The following FBXO42 variants were observed in gnomAD, a reference collection of about 807,000 sequenced individuals.
FBXO42 encodes the protein F-box protein 42.
Under a neutral mutation model 71.7 loss-of-function variants are expected in FBXO42, and 12 were observed. The observed-to-expected ratio is 0.17, with a 90% confidence interval of 0.11 to 0.27. FBXO42 has a LOEUF of 0.27. FBXO42 is among the 10% of genes least tolerant of loss of function. FBXO42 has a pLI of 1.00. For synonymous variants in FBXO42, 325 were observed against 327.5 expected (o/e 0.99, Z 0.08); for missense variants, 707 against 911.9 (o/e 0.78, Z 2.89).
At position 16,250,609 on chromosome 1, in the gene FBXO42, GCTTACACA is replaced by G; in HGVS notation, c.*53_*60del. The G allele has an allele frequency of 6.5e-7, 1 of 1,550,220 alleles. No homozygotes were observed. The highest frequency in any genetic ancestry group is 8.7e-7 in the Non-Finnish European group (1 of 1,148,178). On this transcript the variant is annotated 3_prime_UTR_variant, in exon 10 of 10. Transcript: ENST00000375592. The surrounding 1 kb of genome is among the most constrained non-coding windows in gnomAD (Gnocchi z 4.7). ...TGTTTTCCCAATTCTCAGTCCAAAT[GCTTACACA>G]CTGGAAAATTCCAAATTAAAAGCCA...
intron 3 of FBXO42, among the ~76,000 whole-genome samples, chr1:16,298,805 C>A (rs1464425165): frequency 6.6e-6 from 1 of 151,986 alleles, no homozygotes; most frequent in Non-Finnish European, 1.5e-5. Context: ...CCACCGCGCC[C>A]GGCCAATGTC....
chr1:16,251,874 G>A lies in FBXO42; in HGVS notation c.1039-89C>T. On this transcript the variant is annotated intron_variant, in intron 9 of 9. Coordinates refer to ENST00000375592, the MANE Select transcript of FBXO42 (RefSeq NM_018994.3). This position sits in a 1 kb window ranked among gnomAD's most constrained non-coding sequence, Gnocchi z 4.5. ...ACATTTTATCATGAGCATCTGTCAT[G>A]TGCCAGACATTTTGTAGGTACCTGA... 6.8e-7 allele frequency: 1 copy of A among 1,478,688 alleles called. No individual in the cohort carries two copies. The highest frequency in any genetic ancestry group is 9.1e-7 in the Non-Finnish European group (1 of 1,102,538). 91.6% of individuals were successfully genotyped at this position (1,478,688 alleles called of 1,614,324 possible).
At position 16,251,082 on chromosome 1, in the gene FBXO42, A is replaced by C; in HGVS notation, c.1742T>G (p.Leu581Arg). The change falls in exon 10 of 10, where the codon CTT (leucine) becomes CGT (arginine). Residue 581 changes from leucine (L) to arginine (R), a missense_variant. By Grantham distance (102) the Leu-to-Arg change is moderately radical. Transcript: ENST00000375592. This position sits in a 1 kb window ranked among gnomAD's most constrained non-coding sequence, Gnocchi z 4.5. ...CCCAGGAGAGCCTGGAGAAGACCCA[A>C]GAGGAGGACTTAGTGCTGCAGAGGC... ...PSASAALSPP[L>R]GSSPGSPGSQ... The C allele has an allele frequency of 1.2e-6, 2 of 1,614,160 alleles. No individual in the cohort carries two copies. The highest frequency in any genetic ancestry group is 1.7e-6 in the Non-Finnish European group (2 of 1,180,042).
intron 1 of FBXO42, among the ~76,000 whole-genome samples, chr1:16,321,947 T>A (rs1458848538): frequency 1.3e-5 from 2 of 151,382 alleles, no homozygotes; most frequent in African/African-American, 4.9e-5. Flanking sequence ...GGTGGGTGGA[T>A]CACCTGAGGA....
At chr1:16,339,921 C>A (rs113170657) in intron 1 of FBXO42, among the ~76,000 whole-genome samples, 2,950 of 152,240 alleles carry the variant, frequency 0.019, 81 homozygotes, top group African/African-American at 0.068. Flanking sequence ...CCACTGCGCT[C>A]CAGCCTGGGT....
At position 16,343,933 on chromosome 1, in the gene FBXO42, A is replaced by G. The variant is rs1445419673; in HGVS notation, c.-18+8322T>C. Among the ~76,000 whole-genome samples the G allele has an allele frequency of 9.9e-5, 15 of 151,150 alleles. No individual in the cohort carries two copies. In the East Asian group the frequency reaches 2.9e-3, roughly 29 times the overall value. ...ATTGGGGCTGCATTGAGCCATAATC[A>G]CACCACACTTTAGCATGGCAAAAAA... On this transcript the variant is annotated intron_variant, in intron 1 of 9. Coordinates refer to ENST00000375592, the MANE Select transcript of FBXO42 (RefSeq NM_018994.3).
intron 4 of FBXO42, among the ~76,000 whole-genome samples, chr1:16,288,882 C>T (rs537147103): frequency 1.1e-3 from 169 of 151,016 alleles, no homozygotes; most frequent in African/African-American, 1.4e-3. Flanking sequence ...TGCTTGAACC[C>T]GGGAGGCAGA....
At chr1:16,265,123 C>T (rs772787381) in intron 4 of FBXO42, among the ~76,000 whole-genome samples, 25 of 152,146 alleles carry the variant, frequency 1.6e-4, no homozygotes, top group Non-Finnish European at 2.9e-4. Context: ...GACGGAGTTT[C>T]GCTCTTGTTG....
chr1:16,269,547 CAG>C (rs1174831231), intron 4 of FBXO42, among the ~76,000 whole-genome samples: 1 of 151,956 alleles, frequency 6.6e-6, no homozygotes, highest in Non-Finnish European at 1.5e-5. Flanking sequence ...TTATTTGAGA[CAG>C]AGTTTCGCTC....
chr1:16,342,447 T>C (rs1249836988), intron 1 of FBXO42, among the ~76,000 whole-genome samples: 2 of 144,258 alleles, frequency 1.4e-5, no homozygotes, highest in African/African-American at 5.2e-5. Flanking sequence ...ATGGACACGG[T>C]GGCACCTGCT....
chr1:16,350,053 G>A (rs2082685114), intron 1 of FBXO42, among the ~76,000 whole-genome samples: 1 of 151,980 alleles, frequency 6.6e-6, no homozygotes, highest in Non-Finnish European at 1.5e-5. Flanking sequence ...ATCTTACTCA[G>A]GGTTTAAACC....
At position 16,315,240 on chromosome 1, in the gene FBXO42, G is replaced by A. The variant is rs1333703734; in HGVS notation, c.179C>T (p.Ser60Phe). 1.9e-6 allele frequency: 3 copies of A among 1,614,126 alleles called. No individual in the cohort carries two copies. Among genetic ancestry groups the A allele is most frequent in the Non-Finnish European group, 2.5e-6 (3 of 1,180,024 alleles). Reference sequence around the variant, plus strand: ...GTGTTCCTGATACGGTGAGAGAAAGGACAGGATATACTCCAAAACCTCTTC... The same window carrying A: ...GTGTTCCTGATACGGTGAGAGAAAGAACAGGATATACTCCAAAACCTCTTC... ...LPEEVLEYIL[S>F]FLSPYQEHKT... The change falls in exon 2 of 10, where the codon TCC (serine) becomes TTC (phenylalanine). Residue 60 changes from serine (S) to phenylalanine (F), a missense_variant. This residue lies in a region of FBXO42 where 188 missense variants were observed against 230.5 expected (regional missense o/e 0.82). Transcript: ENST00000375592.
At chr1:16,325,971 C>A (rs1351866305) in intron 1 of FBXO42, among the ~76,000 whole-genome samples, 1 of 147,594 alleles carries the variant, frequency 6.8e-6, no homozygotes, top group Non-Finnish European at 1.5e-5. Flanking sequence ...CAGCAAAATG[C>A]TTTATTTGGT....
intron 4 of FBXO42, chr1:16,292,437 C>G (rs987363245): frequency 6.6e-6 from 1 of 152,226 alleles, no homozygotes; most frequent in Non-Finnish European, 1.5e-5. Context: ...ACTATGGAGG[C>G]ATGCCACCAT....
chr1:16,254,928 T>C (rs1484275886), intron 6 of FBXO42, among the ~76,000 whole-genome samples: 1 of 152,242 alleles, frequency 6.6e-6, no homozygotes, highest in Non-Finnish European at 1.5e-5. Context: ...CATTTGTTTT[T>C]TTCTTTTCTT....
At chr1:16,296,848 C>T (rs1039707230) in intron 3 of FBXO42, among the ~76,000 whole-genome samples, 1 of 151,898 alleles carries the variant, frequency 6.6e-6, no homozygotes, top group Non-Finnish European at 1.5e-5. Context: ...CTACTGTTGA[C>T]TCATCCAATG....
chr1:16,338,164 C>A (rs781662385), intron 1 of FBXO42, among the ~76,000 whole-genome samples: 3 of 151,534 alleles, frequency 2.0e-5, no homozygotes, highest in Non-Finnish European at 2.9e-5. Context: ...GAGGCTGAGG[C>A]AGGAGAATGG....
intron 4 of FBXO42, chr1:16,292,458 T>C (rs1026937532): frequency 6.6e-6 from 1 of 152,220 alleles, no homozygotes; most frequent in East Asian, 1.9e-4. Flanking sequence ...GCCTGGCTAA[T>C]TTTTTGTTTT....
chr1:16,302,270 C>T (rs551529477), intron 3 of FBXO42, among the ~76,000 whole-genome samples: 6 of 152,234 alleles, frequency 3.9e-5, no homozygotes, highest in African/African-American at 1.4e-4. Context: ...AGGCCGGGTG[C>T]GGTAGCTCAA....
Sources: gnomAD v4.1 joint callset for allele counts (sites outside exome capture counted in the v4.1 genomes callset) on GRCh38, gnomAD v4.1.1 for gene constraint, gnomAD v4.1.1 regional missense constraint, Gnocchi (gnomAD v3.1) non-coding constraint, MANE v1.5 for transcripts, NCBI Gene and HGNC (gene_info 2026-07-23, HGNC 2026-07-21) for gene names.